Variants in RBFOX1 observed in about 807,000 individuals in gnomAD.
RBFOX1 encodes the protein RNA binding fox-1 homolog 1, also known as RNA binding protein fox-1 homolog 1.
Under a neutral mutation model 57.7 loss-of-function variants are expected in RBFOX1, and 8 were observed. The ratio of observed to expected loss-of-function variants is 0.14; its 90% CI spans 0.08 to 0.25. The LOEUF is 0.25. RBFOX1 is among the 10% of genes least tolerant of loss of function. The probability of loss-of-function intolerance (pLI) is 1.00; values close to 1 mark genes in which losing one functional copy is unlikely to be tolerated. For missense variants in RBFOX1, 611 were observed against 548.5 expected (o/e 1.11, Z -1.14); for synonymous variants, 326 against 222.4 (o/e 1.47, Z -4.15).
At chr16:5,777,152 C>G (rs925214097) in intron 3 of RBFOX1, among the ~76,000 whole-genome samples, 1 of 152,076 alleles carries the variant, frequency 6.6e-6, no homozygotes, top group Non-Finnish European at 1.5e-5. Context: ...GGTCACAAGT[C>G]CCAAAATCAG....
intron 3 of RBFOX1, among the ~76,000 whole-genome samples, chr16:6,999,198 TA>T (rs1238966096): frequency 3.4e-5 from 4 of 117,086 alleles, no homozygotes; most frequent in Non-Finnish European, 7.5e-5. Context: ...TATTTTATTT[TA>T]TTTTTTATTT....
At chr16:5,814,267 A>G (rs1401736404) in intron 3 of RBFOX1, among the ~76,000 whole-genome samples, 2 of 152,198 alleles carry the variant, frequency 1.3e-5, no homozygotes, top group African/African-American at 4.8e-5. Flanking sequence ...GTTACCTTGC[A>G]TGCTATGTCC....
chr16:5,277,224 C>A (rs1289245520), intron 1 of RBFOX1, among the ~76,000 whole-genome samples: 1 of 151,940 alleles, frequency 6.6e-6, no homozygotes, highest in African/African-American at 2.4e-5. Context: ...ACAAACATTG[C>A]ATGTTCTCAC....
rs1190746565 is a variant in RBFOX1 at position 7,311,478 on chromosome 16, C to CTTTT, written c.28-206654_28-206651dup. Among the ~76,000 whole-genome samples, 76 of 122,498 alleles carry CTTTT rather than the reference C, an allele frequency of 6.2e-4. 4 individuals are homozygous for CTTTT. Among genetic ancestry groups the CTTTT allele is most frequent in the South Asian group, 3.8e-3 (14 of 3,716 alleles). 80.4% of individuals were successfully genotyped at this position (122,498 alleles called of 152,430 possible). On this transcript the variant is annotated intron_variant, in intron 4 of 15. Transcript: ENST00000550418. ...AAGGTTTAGTCTTGATGAGCCTTTTCTTTTTTTTTTTTTTTTTTGGCATTC... is the reference window on the plus strand; with the variant it reads ...AAGGTTTAGTCTTGATGAGCCTTTTCTTTTTTTTTTTTTTTTTTTTTTGGCATTC...
intron 1 of RBFOX1, among the ~76,000 whole-genome samples, chr16:6,114,251 C>A (rs10163244): frequency 0.26 from 39,512 of 152,084 alleles, 6,332 homozygotes; most frequent in African/African-American, 0.43. Flanking sequence ...TAAGAGTGAT[C>A]TCTCATCTGA....
At chr16:6,003,242 G>A (rs1181654008) in intron 4 of RBFOX1, among the ~76,000 whole-genome samples, 5 of 147,818 alleles carry the variant, frequency 3.4e-5, no homozygotes, top group African/African-American at 1.3e-4. Flanking sequence ...TCGCGCCACT[G>A]CACTCCAGCC....
chr16:5,977,587 A>G (rs1290017696), intron 4 of RBFOX1, among the ~76,000 whole-genome samples: 1 of 152,190 alleles, frequency 6.6e-6, no homozygotes, highest in Admixed American at 6.5e-5. Flanking sequence ...AACAGCCTCC[A>G]GCTTCTGGGA....
intron 3 of RBFOX1, among the ~76,000 whole-genome samples, chr16:6,871,652 C>T (rs562297979): frequency 6.6e-6 from 1 of 151,082 alleles, no homozygotes; most frequent in Admixed American, 6.6e-5. Flanking sequence ...GTGCTGTCAA[C>T]ACTTCTAAAC....
At chr16:7,106,281 A>T (rs1163589262) in intron 4 of RBFOX1, among the ~76,000 whole-genome samples, 2 of 152,226 alleles carry the variant, frequency 1.3e-5, no homozygotes, top group Non-Finnish European at 1.5e-5. Flanking sequence ...GTGAGTTTCC[A>T]TCTCTAGAAA....
intron 3 of RBFOX1, among the ~76,000 whole-genome samples, chr16:5,788,692 A>T (rs2054591768): frequency 6.6e-6 from 1 of 152,196 alleles, no homozygotes; most frequent in South Asian, 2.1e-4. Flanking sequence ...GGCCTTATTT[A>T]GCAAACTGTG....
At chr16:7,387,347 T>C (rs1276899589) in intron 4 of RBFOX1, among the ~76,000 whole-genome samples, 4 of 152,204 alleles carry the variant, frequency 2.6e-5, no homozygotes, top group Admixed American at 2.6e-4. Context: ...ATTTGATTAA[T>C]TTCACACAGC....
chr16:6,845,856 CT>C (rs2093727275), intron 3 of RBFOX1, among the ~76,000 whole-genome samples: 2 of 152,210 alleles, frequency 1.3e-5, no homozygotes, highest in South Asian at 4.1e-4. Context: ...CTCAGTCCCA[CT>C]TGTGTATGGC....
intron 3 of RBFOX1, among the ~76,000 whole-genome samples, chr16:6,869,448 G>T (rs1019339925): frequency 1.4e-5 from 2 of 144,300 alleles, no homozygotes; most frequent in Non-Finnish European, 3.0e-5. Context: ...GTATTAGGAA[G>T]GAGTTCCCTT....
intron 3 of RBFOX1, among the ~76,000 whole-genome samples, chr16:6,716,112 T>G (rs1001694381): frequency 6.6e-6 from 1 of 152,236 alleles, no homozygotes; most frequent in Non-Finnish European, 1.5e-5. Context: ...TAGATTGGCC[T>G]GAGGCAAATT....
chr16:6,038,077 G>C (rs1404456249), intron 1 of RBFOX1: 2 of 151,978 alleles, frequency 1.3e-5, no homozygotes, highest in Non-Finnish European at 2.9e-5. Context: ...ATATTTTTTG[G>C]CGGGGGATTG....
chr16:6,637,288 A>ATATAATATACAAATATATATTATATATAT (rs1555636218), intron 2 of RBFOX1, among the ~76,000 whole-genome samples: 1 of 25,048 alleles, frequency 4.0e-5, no homozygotes. Flanking sequence ...ATTATATATA[A>ATATAATATACAAATATATATTATATATAT]TATATAATAT....
At chr16:6,405,137 A>G (rs2093230112) in intron 2 of RBFOX1, among the ~76,000 whole-genome samples, 1 of 152,240 alleles carries the variant, frequency 6.6e-6, no homozygotes, top group Non-Finnish European at 1.5e-5. Context: ...ACTCTACTCT[A>G]TAACATAGAA....
chr16:6,414,301 A>G (rs2152976774), intron 2 of RBFOX1, among the ~76,000 whole-genome samples: 1 of 152,318 alleles, frequency 6.6e-6, no homozygotes, highest in South Asian at 2.1e-4. Context: ...ATGTACTTAT[A>G]TATGTATATG....
rs553014647 is a variant in RBFOX1, at chr16:6,546,997, G to A, written c.-63-107606G>A. ...GTAGGGCTCTTTTTCTTGACTCAAA[G>A]TGAGCTTAGCCAGGAGAGGCAGATT... On this transcript the variant is annotated intron_variant, in intron 2 of 15. Coordinates refer to ENST00000550418, the MANE Select transcript of RBFOX1 (RefSeq NM_018723.4). Among the ~76,000 whole-genome samples the A allele has an allele frequency of 5.9e-5, 9 of 152,318 alleles. No individual in the cohort carries two copies. The East Asian group carries it at 1.4e-3, about 23-fold the overall frequency.
Sources: gnomAD v4.1 joint callset for allele counts (sites outside exome capture counted in the v4.1 genomes callset) on GRCh38, gnomAD v4.1.1 for gene constraint, MANE v1.5 for transcripts, NCBI Gene and HGNC (gene_info 2026-07-23, HGNC 2026-07-21) for gene names.